Variants in HS3ST4 observed in about 807,000 individuals in gnomAD.
The protein encoded by HS3ST4 is heparan sulfate glucosamine 3-O-sulfotransferase 4.
Under a neutral mutation model 29.2 loss-of-function variants are expected in HS3ST4, and 17 were observed. The observed-to-expected ratio is 0.58, with a 90% CI of 0.40 to 0.87. The LOEUF is 0.87. HS3ST4 is among the 40% of genes least tolerant of loss of function. The pLI is 0.00. For synonymous variants in HS3ST4, 314 were observed against 285.7 expected (o/e 1.10, Z -1.00); for missense variants, 627 against 634.5 (o/e 0.99, Z 0.13).
At chr16:25,946,498 A>G (rs1968627549) in intron 1 of HS3ST4, among the ~76,000 whole-genome samples, 1 of 152,154 alleles carries the variant, frequency 6.6e-6, no homozygotes. Flanking sequence ...CTAAGCTATC[A>G]TCCCACAGCA....
chr16:25,943,166 T>C (rs753208896), intron 1 of HS3ST4, among the ~76,000 whole-genome samples: 48 of 152,360 alleles, frequency 3.2e-4, no homozygotes, highest in Non-Finnish European at 6.0e-4. Context: ...TTTTAAATGC[T>C]GAGATATTCT....
At chr16:26,001,184 G>A (rs1272978795) in intron 1 of HS3ST4, among the ~76,000 whole-genome samples, 1 of 152,068 alleles carries the variant, frequency 6.6e-6, no homozygotes, top group Non-Finnish European at 1.5e-5. Context: ...ACAAAAATTT[G>A]AATCAATATT....
chr16:25,743,711 A>G (rs4238920), intron 1 of HS3ST4, among the ~76,000 whole-genome samples: 139,759 of 152,166 alleles, frequency 0.92, 64,218 homozygotes, highest in East Asian at 1. Flanking sequence ...TCACCATGTT[A>G]GCCAGGCTGG....
At chr16:25,879,526 G>C (rs1015845757) in intron 1 of HS3ST4, among the ~76,000 whole-genome samples, 1 of 152,046 alleles carries the variant, frequency 6.6e-6, no homozygotes, top group Non-Finnish European at 1.5e-5. Context: ...GATCTCCTGA[G>C]ACTTATTCAC....
At chr16:25,734,293 G>A (rs755480621) in intron 1 of HS3ST4, among the ~76,000 whole-genome samples, 101 of 152,202 alleles carry the variant, frequency 6.6e-4, no homozygotes, top group Non-Finnish European at 1.3e-3. Flanking sequence ...ATTGCCACAA[G>A]TATGTAAAAA....
intron 1 of HS3ST4, among the ~76,000 whole-genome samples, chr16:26,040,882 A>C (rs1969631311): frequency 6.6e-6 from 1 of 152,036 alleles, no homozygotes; most frequent in Admixed American, 6.6e-5. Flanking sequence ...ACCTCACCCA[A>C]CATGGTCACT....
At chr16:25,895,214 A>G (rs949946522) in intron 1 of HS3ST4, among the ~76,000 whole-genome samples, 1 of 152,088 alleles carries the variant, frequency 6.6e-6, no homozygotes, top group African/African-American at 2.4e-5. Flanking sequence ...AACCATGCCT[A>G]CAAAGGCCCT....
At chr16:25,697,470 A>G (rs1021537978) in intron 1 of HS3ST4, among the ~76,000 whole-genome samples, 1 of 152,224 alleles carries the variant, frequency 6.6e-6, no homozygotes, top group Admixed American at 6.5e-5. Context: ...ACATGTTGAA[A>G]TTATACTCAT....
chr16:26,079,470 C>T (rs185248381), intron 1 of HS3ST4, among the ~76,000 whole-genome samples: 7 of 152,260 alleles, frequency 4.6e-5, no homozygotes, highest in Admixed American at 2.6e-4. Flanking sequence ...ATAACAGTAA[C>T]GATAATAATA....
chr16:25,759,644 G>T (rs796343403), intron 1 of HS3ST4, among the ~76,000 whole-genome samples: 5 of 152,358 alleles, frequency 3.3e-5, no homozygotes, highest in African/African-American at 1.2e-4. Flanking sequence ...GAAACAGCCA[G>T]CGAGGCTCAG....
intron 1 of HS3ST4, among the ~76,000 whole-genome samples, chr16:26,127,313 G>T (rs1241573682): frequency 1.3e-5 from 2 of 152,114 alleles, no homozygotes; most frequent in African/African-American, 2.4e-5. Flanking sequence ...CTTAAGACCT[G>T]GTGAACTTTC....
intron 1 of HS3ST4, among the ~76,000 whole-genome samples, chr16:26,126,270 T>C (rs764080885): frequency 1.4e-4 from 22 of 152,166 alleles, no homozygotes; most frequent in Non-Finnish European, 2.5e-4. Context: ...CACAGGAATT[T>C]TCCCATATCC....
chr16:25,862,104 C>T (rs1036193230), intron 1 of HS3ST4, among the ~76,000 whole-genome samples: 1 of 152,120 alleles, frequency 6.6e-6, no homozygotes, highest in African/African-American at 2.4e-5. Context: ...ATAAGGAGCA[C>T]ACAACCTAGA....
At chr16:25,995,070 A>G (rs1309678510) in intron 1 of HS3ST4, among the ~76,000 whole-genome samples, 1 of 152,230 alleles carries the variant, frequency 6.6e-6, no homozygotes, top group African/African-American at 2.4e-5. Context: ...CATAAAGTTC[A>G]TAGCAGGCTG....
chr16:26,094,670 GTAAAGAC>G, intron 1 of HS3ST4, among the ~76,000 whole-genome samples: 1 of 152,308 alleles, frequency 6.6e-6, no homozygotes, highest in South Asian at 2.1e-4. Context: ...ATGCTAAATT[GTAAAGAC>G]CATTGATGCT....
chr16:25,926,294 C>G (rs1335854953), intron 1 of HS3ST4, among the ~76,000 whole-genome samples: 1 of 152,202 alleles, frequency 6.6e-6, no homozygotes, highest in East Asian at 1.9e-4. Context: ...AACACTGGGA[C>G]TCCCCCTGGC....
At chr16:25,739,803 G>C (rs972345349) in intron 1 of HS3ST4, among the ~76,000 whole-genome samples, 1 of 152,128 alleles carries the variant, frequency 6.6e-6, no homozygotes, top group African/African-American at 2.4e-5. Flanking sequence ...TTCCAAGTTT[G>C]GGTTTTCAGA....
At chr16:25,832,021 A>G (rs898252960) in intron 1 of HS3ST4, among the ~76,000 whole-genome samples, 5 of 152,014 alleles carry the variant, frequency 3.3e-5, no homozygotes, top group African/African-American at 1.2e-4. Flanking sequence ...TAGGAGGATC[A>G]CTTGGACCCA....
intron 1 of HS3ST4, among the ~76,000 whole-genome samples, chr16:25,846,554 AT>A (rs969745655): frequency 1.3e-4 from 19 of 149,322 alleles, no homozygotes; most frequent in East Asian, 4.0e-4. Flanking sequence ...AAAAAGTTGT[AT>A]TTTTTTTTCC....
Sources: allele counts gnomAD v4.1 joint callset (sites outside exome capture counted in the v4.1 genomes callset), GRCh38; gene constraint gnomAD v4.1.1; transcripts MANE v1.5; gene names NCBI Gene and HGNC (gene_info 2026-07-23, HGNC 2026-07-21).